NFASC: variants seen among roughly 807,000 people sequenced by gnomAD.
NFASC encodes the protein neurofascin homolog.
Under a neutral mutation model 147.5 loss-of-function variants are expected in NFASC, and 43 were observed. That is an observed-to-expected ratio of 0.29 (90% CI 0.23 to 0.38). NFASC has a LOEUF of 0.38. Among genes scored for constraint, NFASC ranks in the 10% least tolerant of loss-of-function variants. The probability of loss-of-function intolerance (pLI) is 1.00; values close to 1 mark genes in which losing one functional copy is unlikely to be tolerated. For synonymous variants in NFASC, 622 were observed against 665.5 expected, an observed-to-expected ratio of 0.93 and a Z score of 1.01; for missense variants, 1,320 against 1,689.0, an observed-to-expected ratio of 0.78 and a Z score of 3.83.
chr1:204,984,316 A>T (rs7521182), intron 21 of NFASC: 36,134 of 539,206 alleles, frequency 0.067, 1,794 homozygotes, highest in African/African-American at 0.17. Context: ...ACCCAGAAAA[A>T]AAAATTATAT....
At chr1:204,858,479 G>T (rs527404211) in intron 1 of NFASC, among the ~76,000 whole-genome samples, 27 of 152,236 alleles carry the variant, frequency 1.8e-4, no homozygotes, top group African/African-American at 6.0e-4. Flanking sequence ...CAGGTGGAGG[G>T]GAAGAGAGTC....
At position 205,016,290 on chromosome 1, in the gene NFASC, C is replaced by G. The variant is rs757772409; in HGVS notation, c.3492-18C>G. 6 of 1,574,370 alleles carry G rather than the reference C, an allele frequency of 3.8e-6. No individual in the cohort carries two copies. The highest frequency in any genetic ancestry group is 5.2e-6 in the Non-Finnish European group (6 of 1,144,128). ...CCCATCTCACCCCACCTGAGATTCTCTGTCTCTCTTTGGCCAGTGATGAGG... is the reference window on the plus strand; with the variant it reads ...CCCATCTCACCCCACCTGAGATTCTGTGTCTCTCTTTGGCCAGTGATGAGG... On this transcript the variant is annotated intron_variant, in intron 29 of 29. Transcript: ENST00000339876. This position sits in a 1 kb window ranked among gnomAD's most constrained non-coding sequence, Gnocchi z 5.1.
chr1:205,001,949 C>T (rs1361670051), intron 26 of NFASC, among the ~76,000 whole-genome samples: 4 of 152,224 alleles, frequency 2.6e-5, no homozygotes, highest in Admixed American at 6.5e-5. Context: ...CCTGGGATAG[C>T]CTACCCAAAG....
chr1:204,885,388 G>GT (rs906920471), intron 1 of NFASC, among the ~76,000 whole-genome samples: 4 of 145,992 alleles, frequency 2.7e-5, no homozygotes, highest in Admixed American at 1.5e-4. Flanking sequence ...CCTTTGCCCT[G>GT]TGGGGGGGGA....
At chr1:204,879,347 G>A (rs1250501788) in intron 1 of NFASC, among the ~76,000 whole-genome samples, 1 of 152,150 alleles carries the variant, frequency 6.6e-6, no homozygotes, top group Non-Finnish European at 1.5e-5. Context: ...CGTCTCCCCC[G>A]CAAAACAGTC....
chr1:204,954,356 G>C lies in NFASC; in HGVS notation c.384G>C (p.Leu128=). The C allele has an allele frequency of 6.2e-7, 1 of 1,614,196 alleles. No individual in the cohort carries two copies. The highest frequency in any genetic ancestry group is 8.5e-7 in the Non-Finnish European group (1 of 1,180,032). The part of the protein sequence containing the change: ...CFARNKFGTA[L]SNRIRLQVSK... ...CCCGCAACAAATTTGGCACGGCCCT[G>C]TCCAATAGGATCCGCCTGCAGGTGT... Residue 128 remains leucine (L), a synonymous_variant, in exon 6 of 30, where the codon CTG becomes CTC. Coordinates refer to ENST00000339876, the MANE Select transcript of NFASC (RefSeq NM_001005388.3). This position sits in a 1 kb window ranked among gnomAD's most constrained non-coding sequence, Gnocchi z 5.7.
intron 1 of NFASC, among the ~76,000 whole-genome samples, chr1:204,913,229 A>G (rs1435017070): frequency 1.3e-5 from 2 of 152,222 alleles, no homozygotes; most frequent in Non-Finnish European, 2.9e-5. Context: ...ATTAAAATTC[A>G]TATCACATTC....
intron 24 of NFASC, among the ~76,000 whole-genome samples, chr1:204,992,798 G>T (rs552678528): frequency 3.9e-5 from 6 of 152,170 alleles, no homozygotes; most frequent in Non-Finnish European, 8.8e-5. Context: ...CTGGTGGCAG[G>T]CAGTCTGTCT....
intron 25 of NFASC, chr1:205,000,928 A>C (rs1200639459): frequency 1.8e-6 from 1 of 559,634 alleles, no homozygotes; most frequent in Non-Finnish European, 3.2e-6. Context: ...TCCCGACTGT[A>C]CCTGCTTGTC....
At chr1:204,906,539 T>C (rs1163292986) in intron 1 of NFASC, among the ~76,000 whole-genome samples, 1 of 152,256 alleles carries the variant, frequency 6.6e-6, no homozygotes, top group Non-Finnish European at 1.5e-5. Context: ...AACATTGCTT[T>C]ATATTGCTGT....
intron 1 of NFASC, among the ~76,000 whole-genome samples, chr1:204,882,367 A>G (rs940638365): frequency 9.2e-5 from 14 of 151,652 alleles, no homozygotes; most frequent in Non-Finnish European, 1.8e-4. Context: ...CTTTTCCTCA[A>G]TGTTCCAGCC....
Position 204,907,925 on chromosome 1 carries a change from T to C in NFASC, c.-199-12707T>C, listed in dbSNP as rs144896696. ...AGTTTTTAGAATCTATAATACATAC[T>C]AACACATAATGAGAATAAATGTGTG... On this transcript the variant is annotated intron_variant, in intron 1 of 29. Transcript: ENST00000339876. 1.4e-3 allele frequency among the ~76,000 whole-genome samples: 208 copies of C among 148,342 alleles called. 1 individual carries two copies. The highest frequency in any genetic ancestry group is 4.8e-3 in the African/African-American group (192 of 39,612).
chr1:204,884,344 G>A (rs1342954405), intron 1 of NFASC, among the ~76,000 whole-genome samples: 1 of 152,038 alleles, frequency 6.6e-6, no homozygotes, highest in Non-Finnish European at 1.5e-5. Context: ...ACCTCCCTCT[G>A]GTTCTTCAAT....
chr1:204,883,228 G>A (rs2080637312), intron 1 of NFASC, among the ~76,000 whole-genome samples: 1 of 152,172 alleles, frequency 6.6e-6, no homozygotes, highest in Admixed American at 6.5e-5. Flanking sequence ...GGCCATAAGG[G>A]GCTTGGCTGA....
At chr1:204,902,081 C>G (rs920502418) in intron 1 of NFASC, among the ~76,000 whole-genome samples, 1 of 152,068 alleles carries the variant, frequency 6.6e-6, no homozygotes, top group Non-Finnish European at 1.5e-5. Flanking sequence ...ATTGCCTGAG[C>G]CTAGGAATTC....
intron 1 of NFASC, among the ~76,000 whole-genome samples, chr1:204,858,880 G>A (rs1321988913): frequency 1.3e-5 from 2 of 152,006 alleles, no homozygotes; most frequent in African/African-American, 4.8e-5. Flanking sequence ...CCACCGCCAG[G>A]CATCTTGCTT....
At chr1:204,874,365 C>T (rs1413577738) in intron 1 of NFASC, among the ~76,000 whole-genome samples, 1 of 152,236 alleles carries the variant, frequency 6.6e-6, no homozygotes, top group African/African-American at 2.4e-5. Flanking sequence ...CCTTTCGCCC[C>T]ATTTTGGGTC....
In NFASC at chr1:204,987,301, G is replaced by A. The variant is rs1281645724; in HGVS notation, c.2471-117G>A. The A allele has an allele frequency of 4.9e-5, 47 of 968,366 alleles. No individual in the cohort carries two copies. The highest frequency in any genetic ancestry group is 3.5e-4 in the South Asian group (22 of 63,452). 60.0% of individuals were successfully genotyped at this position (968,366 alleles called of 1,614,324 possible). ...TCCCAGGCTTCAGTTTAGCAGTGTC[G>A]AGCATGGGGGTTGTCCAGAGGTCAA... On this transcript the variant is annotated intron_variant, in intron 21 of 29. Transcript: ENST00000339876. This position sits in a 1 kb window ranked among gnomAD's most constrained non-coding sequence, Gnocchi z 4.4.
At chr1:204,923,950 C>T (rs2091020651) in intron 2 of NFASC, among the ~76,000 whole-genome samples, 1 of 152,210 alleles carries the variant, frequency 6.6e-6, no homozygotes, top group East Asian at 1.9e-4. Flanking sequence ...CTGTTTGAAA[C>T]AGCATGTCAC....
Sources: gnomAD v4.1 joint callset for allele counts (sites outside exome capture counted in the v4.1 genomes callset) on GRCh38, gnomAD v4.1.1 for gene constraint, Gnocchi (gnomAD v3.1) non-coding constraint, MANE v1.5 for transcripts, NCBI Gene and HGNC (gene_info 2026-07-23, HGNC 2026-07-21) for gene names.